Variants in DACT1 observed in about 807,000 individuals in gnomAD.
The protein encoded by DACT1 is dishevelled binding antagonist of beta catenin 1.
Under a neutral mutation model 35.3 loss-of-function variants are expected in DACT1, and 19 were observed. The observed-to-expected ratio is 0.54, with a 90% CI of 0.38 to 0.79. DACT1 has a LOEUF of 0.79. Ranked by LOEUF, DACT1 falls within the 30% of genes least tolerant of loss-of-function variation. The pLI is 0.00. For synonymous variants in DACT1, 545 were observed against 466.7 expected (o/e 1.17, Z -2.16); for missense variants, 1,143 against 1,057.5 (o/e 1.08, Z -1.12).
At position 58,645,713 on chromosome 14, in the gene DACT1, G is replaced by A. The variant is rs551897249; in HGVS notation, c.979G>A (p.Ala327Thr). The change falls in exon 4 of 4, where the codon GCT becomes ACT. Residue 327 changes from alanine (A) to threonine (T), a missense_variant. Physicochemically the swap from Ala to Thr is moderately conservative, Grantham distance 58. This residue lies in a region of DACT1 where 1,054 missense variants were observed against 958.8 expected (regional missense o/e 1.10). Coordinates refer to ENST00000395153, the MANE Select transcript of DACT1 (RefSeq NM_001079520.2). ...CAACAAACCAAGAACCAGCGTGAAC[G>A]CTGACCCCACGAAAGGGCTTCTGAG... is the stretch of plus-strand genomic sequence containing the variant. The part of the protein sequence containing the change: ...RTNKPRTSVN[A>T]DPTKGLLRNG... The A allele has an allele frequency of 1.9e-6, 3 of 1,614,200 alleles. No homozygotes were observed. Among genetic ancestry groups the A allele is most frequent in the East Asian group, 4.5e-5 (2 of 44,870 alleles).
chr14:58,646,814 G>C lies in DACT1; in HGVS notation c.2080G>C (p.Glu694Gln). The C allele has an allele frequency of 6.2e-7, 1 of 1,614,154 alleles. No homozygotes were observed. Among genetic ancestry groups the C allele is most frequent in the Non-Finnish European group, 8.5e-7 (1 of 1,180,016 alleles). Residue 694 changes from glutamate to glutamine, a missense_variant, in exon 4 of 4, where the codon GAG (glutamate) becomes CAG (glutamine). By Grantham distance (29) the Glu-to-Gln change is conservative (BLOSUM62 2). Coordinates refer to ENST00000395153, the MANE Select transcript of DACT1 (RefSeq NM_001079520.2). ...ASDSEYSAEC[E>Q]SLFHSTVVDT... The stretch of plus-strand genomic sequence containing the variant: ...CGACTCCGAGTACTCGGCCGAGTGC[G>C]AGTCCCTGTTCCACTCCACCGTGGT...
Position 58,640,844 on chromosome 14 carries a change from GAGAC to G in DACT1, c.461_464del (p.Asp154ValfsTer10), listed in dbSNP as rs2047619968. The G allele has an allele frequency of 6.2e-7, 1 of 1,614,040 alleles. No homozygotes were observed. Among genetic ancestry groups the G allele is most frequent in the African/African-American group, 1.3e-5 (1 of 74,928 alleles). On this transcript the variant is annotated frameshift_variant, in exon 2 of 4. Transcript: ENST00000395153. LOFTEE classifies it high-confidence loss of function. ...AGAAAAGACATCTGAAGAGCACCTG[GAGAC>G]AGACAGTCGGCCTAGCTCAGGTGAG...
Position 58,638,052 on chromosome 14 carries a change from A to C in DACT1, c.-151A>C. 1 of 786,090 alleles carries C rather than the reference A, an allele frequency of 1.3e-6. No individual in the cohort carries two copies. Among genetic ancestry groups the C allele is most frequent in the African/African-American group, 1.8e-5 (1 of 54,736 alleles). The allele number at this position is 786,090 out of a possible 1,614,324, so 48.7% of individuals were successfully genotyped here. Reference sequence around the variant, plus strand: ...ACAGCAGCAGCCGGCGGTCGCGCGCAGGACTCGAGGGCTTCTAGCCACCGT... The same window carrying C: ...ACAGCAGCAGCCGGCGGTCGCGCGCCGGACTCGAGGGCTTCTAGCCACCGT... On this transcript the variant is annotated 5_prime_UTR_variant, in exon 1 of 4. Coordinates refer to ENST00000395153, the MANE Select transcript of DACT1 (RefSeq NM_001079520.2).
At position 58,641,744 on chromosome 14, in the gene DACT1, G is replaced by T. The variant is rs745956242; in HGVS notation, c.631G>T (p.Ala211Ser). The T allele has an allele frequency of 1.1e-5, 18 of 1,612,286 alleles. No individual in the cohort carries two copies. In the South Asian group the frequency reaches 1.7e-4, roughly 15 times the overall value. ...LSLSDGCPKS[A>S]DVNPKYQCDL... is the part of the protein sequence containing the mutation. ...TCTCTCAGATGGTTGCCCCAAATCT[G>T]CAGGTAAGAATTTTTAGCACTGATA... is the stretch of plus-strand genomic sequence containing the variant. Residue 211 changes from alanine to serine, a missense_variant, in exon 3 of 4, where the codon GCA becomes TCA. Ala to Ser is a moderately conservative substitution (Grantham distance 99). This residue lies in a region of DACT1 where 1,054 missense variants were observed against 958.8 expected (regional missense o/e 1.10). Coordinates refer to ENST00000395153, the MANE Select transcript of DACT1 (RefSeq NM_001079520.2).
Position 58,640,746 on chromosome 14 carries a change from G to A in DACT1, c.356G>A (p.Arg119Lys). 1 of 1,614,136 alleles carries A rather than the reference G, an allele frequency of 6.2e-7. No homozygotes were observed. The highest frequency in any genetic ancestry group is 8.5e-7 in the Non-Finnish European group (1 of 1,180,018). The change falls in exon 2 of 4, where the codon AGG (arginine) becomes AAG (lysine). Residue 119 changes from arginine (R) to lysine (K), a missense_variant. Transcript: ENST00000395153. ...LLLRKQLNCL[R>K]RRDAGLLNQL... ...TTTCTTCCTAATCAGAACTGTTTGAGGCGAAGAGATGCTGGTTTGTTGAAT... is the reference window on the plus strand; with the variant it reads ...TTTCTTCCTAATCAGAACTGTTTGAAGCGAAGAGATGCTGGTTTGTTGAAT...
At chr14:58,643,117 C>T (rs948724556) in intron 3 of DACT1, among the ~76,000 whole-genome samples, 9 of 152,198 alleles carry the variant, frequency 5.9e-5, no homozygotes, top group Non-Finnish European at 4.4e-5. Flanking sequence ...AAGTTAAGCT[C>T]AGGCCTAACT....
intron 3 of DACT1, among the ~76,000 whole-genome samples, chr14:58,644,172 C>CT (rs1170828736): frequency 6.6e-5 from 10 of 152,056 alleles, no homozygotes; most frequent in Non-Finnish European, 1.0e-4. Flanking sequence ...GATCAAAATC[C>CT]TTTAAGACAG....
chr14:58,638,619 C>T (rs1168042095), intron 1 of DACT1, 72 bp downstream of exon 1: 21 of 1,269,396 alleles, frequency 1.7e-5, no homozygotes, highest in Non-Finnish European at 2.1e-5. Context: ...TGGCCTGGGG[C>T]GGGCGCGAGG....
rs1355805957 is a variant in DACT1, at chr14:58,647,260, C to T, written c.*126C>T. The T allele has an allele frequency of 1.7e-6, 2 of 1,152,262 alleles. No homozygotes were observed. The highest frequency in any genetic ancestry group is 2.6e-5 in the Admixed American group (1 of 37,964). The allele number at this position is 1,152,262 out of a possible 1,614,324, so 71.4% of individuals were successfully genotyped here. On this transcript the variant is annotated 3_prime_UTR_variant, in exon 4 of 4. Coordinates refer to ENST00000395153, the MANE Select transcript of DACT1 (RefSeq NM_001079520.2). ...GAATGCTTTTTAAAAAAATATAAAACCAAGGTAAATTATTGTTTCATCTTC... is the reference window on the plus strand; with the variant it reads ...GAATGCTTTTTAAAAAAATATAAAATCAAGGTAAATTATTGTTTCATCTTC...
rs765432256 is a variant in DACT1, at chr14:58,646,615, G to A, written c.1881G>A (p.Ala627=). The change falls in exon 4 of 4, where the codon GCG becomes GCA. Residue 627 remains alanine (A), a synonymous_variant. Coordinates refer to ENST00000395153, the MANE Select transcript of DACT1 (RefSeq NM_001079520.2). ...GGGCGCATGGCCACGGACGGGAGGC[G>A]GTGGTGGCCAAACCTAAGCACAAGC... is the stretch of plus-strand genomic sequence containing the variant. The part of the protein sequence containing the change: ...GSRAHGHGRE[A]VVAKPKHKRT... 67 of 1,605,128 alleles carry A rather than the reference G, an allele frequency of 4.2e-5. No individual in the cohort carries two copies. Among genetic ancestry groups the A allele is most frequent in the Non-Finnish European group, 5.2e-5 (61 of 1,176,224 alleles).
In DACT1 at chr14:58,638,253, G is replaced by C; in HGVS notation, c.51G>C (p.Pro17=). ...GTAKELEPPA[P]ARGEQRTAEP... The stretch of plus-strand genomic sequence containing the variant: ...CGAAGGAGCTGGAGCCTCCGGCGCC[G>C]GCCCGAGGCGAGCAGCGCACGGCGG... Residue 17 remains proline (P), a synonymous_variant, in exon 1 of 4, where the codon CCG becomes CCC. Coordinates refer to ENST00000395153, the MANE Select transcript of DACT1 (RefSeq NM_001079520.2). The C allele has an allele frequency of 2.2e-6, 3 of 1,367,418 alleles. No homozygotes were observed. In the South Asian group the frequency reaches 5.0e-5, roughly 23 times the overall value. 84.7% of individuals were successfully genotyped at this position (1,367,418 alleles called of 1,614,324 possible). A position where few individuals can be genotyped will look rare whatever the true frequency, so the allele number is the denominator to read the frequency against.
chr14:58,640,515 G>T (rs948250551), intron 1 of DACT1, among the ~76,000 whole-genome samples: 3 of 152,142 alleles, frequency 2.0e-5, no homozygotes, highest in African/African-American at 7.2e-5. Flanking sequence ...TTGTTTTTAT[G>T]AAGAAACTTT....
At chr14:58,641,990 A>T (rs1245435684) in intron 3 of DACT1, among the ~76,000 whole-genome samples, 2 of 152,212 alleles carry the variant, frequency 1.3e-5, no homozygotes, top group Admixed American at 1.3e-4. Flanking sequence ...TATCTCTAGA[A>T]ATCCTGTCCC....
chr14:58,635,575 AG>A (rs201939497), upstream of DACT1, among the ~76,000 whole-genome samples: 752 of 151,906 alleles, frequency 5.0e-3, 7 homozygotes, highest in African/African-American at 0.018. Context: ...TGAATATATT[AG>A]TTTTAATATT....
Position 58,638,322 on chromosome 14 carries a change from G to A in DACT1, c.120G>A (p.Glu40=). The change falls in exon 1 of 4, where the codon GAG becomes GAA. Residue 40 remains glutamate (E), a synonymous_variant. Coordinates refer to ENST00000395153, the MANE Select transcript of DACT1 (RefSeq NM_001079520.2). ...GGGAGAAGGGCGAGGCAGACACCGAGCGGCAGCGCACCCGGGAGCGGCAGG... is the reference window on the plus strand; with the variant it reads ...GGGAGAAGGGCGAGGCAGACACCGAACGGCAGCGCACCCGGGAGCGGCAGG... ...RWREKGEADT[E]RQRTRERQEA... 7.5e-7 allele frequency: 1 copy of A among 1,324,966 alleles called. No individual in the cohort carries two copies. Among genetic ancestry groups the A allele is most frequent in the Admixed American group, 4.0e-5 (1 of 24,874 alleles). The allele number at this position is 1,324,966 out of a possible 1,614,324, so 82.1% of individuals were successfully genotyped here.
chr14:58,643,478 A>G (rs549521369), intron 3 of DACT1, among the ~76,000 whole-genome samples: 3 of 152,210 alleles, frequency 2.0e-5, no homozygotes, highest in African/African-American at 7.2e-5. Context: ...TGGTGTCTTC[A>G]TATCTGTGTG....
At position 58,645,588 on chromosome 14, in the gene DACT1, C is replaced by T; in HGVS notation, c.854C>T (p.Ser285Phe). 6.2e-7 allele frequency: 1 copy of T among 1,614,154 alleles called. No homozygotes were observed. Among genetic ancestry groups the T allele is most frequent in the Non-Finnish European group, 8.5e-7 (1 of 1,180,044 alleles). The change falls in exon 4 of 4, where the codon TCC becomes TTC. Residue 285 changes from serine to phenylalanine, a missense_variant. By Grantham distance (155) the Ser-to-Phe change is radical (BLOSUM62 -2). Coordinates refer to ENST00000395153, the MANE Select transcript of DACT1 (RefSeq NM_001079520.2). ...GTCAAAACAGACAGTTCCTTACCGT[C>T]CCCAAGCAGTCTGTGGTCTGCTTCC... ...DAVKTDSSLP[S>F]PSSLWSASHP...
chr14:58,637,912 C>T (rs1386324142), upstream of DACT1: 1 of 167,472 alleles, frequency 6.0e-6, no homozygotes. Flanking sequence ...AGGCGGGCGC[C>T]AGGCGGGGGT....
In DACT1 at chr14:58,638,422, C is replaced by G; in HGVS notation, c.220C>G (p.Arg74Gly). ...AGAGCTGCTGGTCAGGGGCGCCCTG[C>G]GCGGCGCCGGGGGTGCGGGAGCCGC... ...RQELLVRGALRGAGGAGAAAP... is the reference protein window; with the variant it reads ...RQELLVRGALGGAGGAGAAAP... The change falls in exon 1 of 4, where the codon CGC becomes GGC. Residue 74 changes from arginine (R) to glycine (G), a missense_variant. Arg to Gly is a moderately radical substitution (Grantham distance 125). Around this residue, in one of 3 missense-constraint regions of DACT1, gnomAD observed 1,054 missense variants for 958.8 expected, o/e 1.10. Transcript: ENST00000395153. 2 of 1,314,726 alleles carry G rather than the reference C, an allele frequency of 1.5e-6. No homozygotes were observed. Among genetic ancestry groups the G allele is most frequent in the Non-Finnish European group, 9.7e-7 (1 of 1,030,166 alleles). The allele number at this position is 1,314,726 out of a possible 1,614,324, so 81.4% of individuals were successfully genotyped here. A position where few individuals can be genotyped will look rare whatever the true frequency, so the allele number is the denominator to read the frequency against.
Sources: gnomAD v4.1 joint callset for allele counts (sites outside exome capture counted in the v4.1 genomes callset) on GRCh38, gnomAD v4.1.1 for gene constraint, gnomAD v4.1.1 regional missense constraint, MANE v1.5 for transcripts, NCBI Gene and HGNC (gene_info 2026-07-23, HGNC 2026-07-21) for gene names.